The following NCOA7 variants were observed in gnomAD, a reference collection of about 807,000 sequenced individuals.
NCOA7 encodes nuclear receptor coactivator 7.
Under a neutral mutation model 104.3 loss-of-function variants are expected in NCOA7, and 45 were observed. That is an observed-to-expected ratio of 0.43 (90% CI 0.34 to 0.55). NCOA7 has a LOEUF of 0.55. Ranked by LOEUF, NCOA7 falls within the 20% of genes least tolerant of loss-of-function variation. The pLI is 0.02. For missense variants in NCOA7, 1,041 were observed against 1,119.7 expected (o/e 0.93, Z 1.00); for synonymous variants, 398 against 402.3 (o/e 0.99, Z 0.13).
chr6:125,857,756 C>T (rs1421196319), intron 3 of NCOA7, among the ~76,000 whole-genome samples: 4 of 151,738 alleles, frequency 2.6e-5, no homozygotes, highest in East Asian at 1.9e-4. Flanking sequence ...TTATTACCAC[C>T]TATTTTTTTA....
intron 2 of NCOA7, among the ~76,000 whole-genome samples, chr6:125,853,884 A>C (rs535836091): frequency 6.6e-6 from 1 of 152,306 alleles, no homozygotes; most frequent in East Asian, 1.9e-4. Context: ...TAAGTGTTGT[A>C]GCCTCAGGGA....
intron 4 of NCOA7, among the ~76,000 whole-genome samples, chr6:125,877,280 C>T (rs1308451632): frequency 1.3e-5 from 2 of 152,144 alleles, no homozygotes; most frequent in African/African-American, 4.8e-5. Context: ...AATTCTCCTC[C>T]TACATCTCTA....
intron 11 of NCOA7, among the ~76,000 whole-genome samples, chr6:125,916,022 A>T (rs1433771913): frequency 6.6e-6 from 1 of 152,200 alleles, no homozygotes; most frequent in Non-Finnish European, 1.5e-5. Flanking sequence ...TGACAAGCTG[A>T]TATAGTTTGG....
intron 1 of NCOA7, among the ~76,000 whole-genome samples, chr6:125,783,140 G>A (rs1218285042): frequency 6.6e-6 from 1 of 152,170 alleles, no homozygotes. Context: ...TGAGACTTAC[G>A]TTGTACTTCT....
intron 10 of NCOA7, among the ~76,000 whole-genome samples, chr6:125,906,047 C>T (rs1785966834): frequency 6.6e-6 from 1 of 152,096 alleles, no homozygotes; most frequent in Admixed American, 6.5e-5. Flanking sequence ...AAGCAGTCCT[C>T]CCACCTCGGC....
At chr6:125,869,735 T>TA (rs1374976233) in intron 3 of NCOA7, among the ~76,000 whole-genome samples, 5 of 152,106 alleles carry the variant, frequency 3.3e-5, no homozygotes, top group Non-Finnish European at 4.4e-5. Flanking sequence ...ACTGGCTAGA[T>TA]ATGCTGGTTC....
At chr6:125,786,040 T>C (rs980468219), upstream of NCOA7, 1 of 152,172 alleles carries the variant, frequency 6.6e-6, no homozygotes, top group Non-Finnish European at 1.5e-5. Context: ...ACTCAAGATA[T>C]TATCATAATT....
intron 8 of NCOA7, among the ~76,000 whole-genome samples, chr6:125,885,726 T>C (rs1287519527): frequency 6.6e-6 from 1 of 152,210 alleles, no homozygotes; most frequent in Non-Finnish European, 1.5e-5. Context: ...AGGAGAGTTA[T>C]GTTTGTCTTC....
At chr6:125,874,848 T>C in intron 3 of NCOA7, 41 bp from the exon 4 acceptor site, 1 of 1,534,620 alleles carries the variant, frequency 6.5e-7, no homozygotes, top group Non-Finnish European at 9.0e-7. Context: ...CTTCAGTCCC[T>C]GAAAATGAAA....
At chr6:125,835,670 T>C (rs1779554404) in intron 2 of NCOA7, among the ~76,000 whole-genome samples, 1 of 152,232 alleles carries the variant, frequency 6.6e-6, no homozygotes, top group South Asian at 2.1e-4. Context: ...GAGCCGGTGC[T>C]AGGTTTTGGA....
At chr6:125,866,707 G>T (rs1782469376) in intron 3 of NCOA7, among the ~76,000 whole-genome samples, 1 of 152,052 alleles carries the variant, frequency 6.6e-6, no homozygotes, top group African/African-American at 2.4e-5. Context: ...GATATTTATG[G>T]GGAAATCCAG....
chr6:125,918,060 G>T (rs979592286), intron 11 of NCOA7, among the ~76,000 whole-genome samples: 1 of 152,162 alleles, frequency 6.6e-6, no homozygotes, highest in Admixed American at 6.5e-5. Context: ...CACCTGGGGA[G>T]ACAGCTGTTT....
At position 125,882,469 on chromosome 6, in the gene NCOA7, T is replaced by G; in HGVS notation, c.617T>G (p.Val206Gly). 1 of 1,613,776 alleles carries G rather than the reference T, an allele frequency of 6.2e-7. No homozygotes were observed. The highest frequency in any genetic ancestry group is 1.1e-5 in the South Asian group (1 of 91,038). ...AAGGCCTTGAAACCCATTGAAAGAGTCTTATCGTCTACTTCTGAAGAAGAT... is the reference window on the plus strand; with the variant it reads ...AAGGCCTTGAAACCCATTGAAAGAGGCTTATCGTCTACTTCTGAAGAAGAT... ...ARKALKPIER[V>G]LSSTSEEDEP... is the part of the protein sequence containing the mutation. The change falls in exon 7 of 16, where the codon GTC (valine) becomes GGC (glycine). Residue 206 changes from valine to glycine, a missense_variant. Val to Gly is a moderately radical substitution (Grantham distance 109). This residue lies in a region of NCOA7 where 914 missense variants were observed against 942.7 expected (regional missense o/e 0.97). Coordinates refer to ENST00000392477, the MANE Select transcript of NCOA7 (RefSeq NM_181782.5).
chr6:125,857,576 T>G (rs551199602), intron 3 of NCOA7, among the ~76,000 whole-genome samples: 1 of 151,850 alleles, frequency 6.6e-6, no homozygotes. Flanking sequence ...TTTTTTTTTT[T>G]TATATACAGA....
chr6:125,928,014 G>A (rs1176037553), intron 14 of NCOA7, among the ~76,000 whole-genome samples, 160 bp from the exon 15 acceptor site: 1 of 152,240 alleles, frequency 6.6e-6, no homozygotes, highest in Non-Finnish European at 1.5e-5. Flanking sequence ...AACCCCTTGG[G>A]AGATCTCATC....
At chr6:125,913,035 G>A (rs907017448) in intron 10 of NCOA7, among the ~76,000 whole-genome samples, 5 of 152,068 alleles carry the variant, frequency 3.3e-5, no homozygotes, top group African/African-American at 9.7e-5. Context: ...AATATAAAAT[G>A]TATTTCTCCC....
chr6:125,849,047 A>G (rs1292452355), intron 2 of NCOA7, among the ~76,000 whole-genome samples: 1 of 152,182 alleles, frequency 6.6e-6, no homozygotes, highest in Non-Finnish European at 1.5e-5. Context: ...TATTCAAGAA[A>G]TATTTACTGA....
chr6:125,884,570 T>C (rs1424325029), intron 7 of NCOA7, among the ~76,000 whole-genome samples: 9 of 152,246 alleles, frequency 5.9e-5, no homozygotes, highest in Non-Finnish European at 1.3e-4. Context: ...GACTTTTTGC[T>C]TTAATCTCCA....
intron 2 of NCOA7, among the ~76,000 whole-genome samples, chr6:125,820,536 C>T (rs999786505): frequency 7.9e-5 from 12 of 152,222 alleles, no homozygotes; most frequent in African/African-American, 2.9e-4. Flanking sequence ...CACTGTATAG[C>T]TTTCTCTGTT....
Sources: allele counts gnomAD v4.1 joint callset (sites outside exome capture counted in the v4.1 genomes callset), GRCh38; gene constraint gnomAD v4.1.1; regional missense constraint gnomAD v4.1.1; transcripts MANE v1.5; gene names NCBI Gene and HGNC (gene_info 2026-07-23, HGNC 2026-07-21).